USP6NL: variants seen among roughly 807,000 people sequenced by gnomAD.
USP6NL encodes the protein USP6 N-terminal-like protein.
Under a neutral mutation model 61.9 loss-of-function variants are expected in USP6NL, and 26 were observed. That is an observed-to-expected ratio of 0.42 (90% CI 0.31 to 0.58). The LOEUF (loss-of-function observed/expected upper bound fraction) is 0.58, where lower values mean the gene tolerates loss of function less well. Among genes scored for constraint, USP6NL ranks in the 20% least tolerant of loss-of-function variants. USP6NL has a pLI of 0.16. For synonymous variants in USP6NL, 432 were observed against 390.1 expected, an observed-to-expected ratio of 1.11 and a Z score of -1.27; for missense variants, 1,114 against 1,034.3, an observed-to-expected ratio of 1.08 and a Z score of -1.06.
At chr10:11,538,528 C>G (rs1238891528) in intron 2 of USP6NL, among the ~76,000 whole-genome samples, 1 of 152,120 alleles carries the variant, frequency 6.6e-6, no homozygotes. Flanking sequence ...TCTTGAAAAG[C>G]ATAAAAAGTT....
intron 2 of USP6NL, among the ~76,000 whole-genome samples, chr10:11,571,647 AT>A (rs542398874): frequency 0.012 from 1,745 of 148,972 alleles, 10 homozygotes; most frequent in Middle Eastern, 0.044. Context: ...AAAGAACTGA[AT>A]TTTTTTTTTT....
At chr10:11,467,815 A>G (rs1008379289) in intron 14 of USP6NL, among the ~76,000 whole-genome samples, 1 of 152,228 alleles carries the variant, frequency 6.6e-6, no homozygotes, top group African/African-American at 2.4e-5. Flanking sequence ...TAAGTACTAC[A>G]TATTTTTTCT....
At chr10:11,531,469 T>C (rs1159034165) in intron 2 of USP6NL, among the ~76,000 whole-genome samples, 4 of 151,924 alleles carry the variant, frequency 2.6e-5, no homozygotes, top group Non-Finnish European at 5.9e-5. Context: ...ACTACAGGTG[T>C]GAGCCACCCG....
rs1192100406 is a variant in USP6NL, at chr10:11,462,323, G to C, written c.*118C>G. 3.9e-5 allele frequency: 46 copies of C among 1,188,530 alleles called. No individual in the cohort carries two copies. Among genetic ancestry groups the C allele is most frequent in the Non-Finnish European group, 2.3e-6 (2 of 868,276 alleles). 73.6% of individuals were successfully genotyped at this position (1,188,530 alleles called of 1,614,324 possible). A position where few individuals can be genotyped will look rare whatever the true frequency, so the allele number is the denominator to read the frequency against. On this transcript the variant is annotated 3_prime_UTR_variant, in exon 15 of 15. Transcript: ENST00000609104. ...TTTCCCTGTATTCTTACTACTAACA[G>C]ACAGGAGAGATGTGCGAGTTGTTTA... is the stretch of plus-strand genomic sequence containing the variant.
chr10:11,562,261 CAA>C lies in USP6NL; in HGVS notation c.5-34696_5-34695del, dbSNP rs34380932. Reference sequence around the variant, plus strand: ...TGGCGGACAGTGCAAGACTCCATCTCAAAAAAAAAAAAAAAAAATTGCATTCC... The same window carrying C: ...TGGCGGACAGTGCAAGACTCCATCTCAAAAAAAAAAAAAAAATTGCATTCC... On this transcript the variant is annotated intron_variant, in intron 2 of 14. Transcript: ENST00000609104. The surrounding 1 kb of genome is among the most constrained non-coding windows in gnomAD (Gnocchi z 4.8). 7.9e-3 allele frequency: 2,578 copies of C among 326,538 alleles called. No homozygotes were observed. The highest frequency in any genetic ancestry group is 9.2e-3 in the Non-Finnish European group (2,304 of 250,888). The allele number at this position is 326,538 out of a possible 1,614,324, so 20.2% of individuals were successfully genotyped here.
intron 2 of USP6NL, among the ~76,000 whole-genome samples, chr10:11,572,053 T>C (rs1409667253): frequency 6.6e-6 from 1 of 151,800 alleles, no homozygotes; most frequent in Admixed American, 6.6e-5. Flanking sequence ...ATATGAGATA[T>C]ATCTATATAT....
intron 1 of USP6NL, among the ~76,000 whole-genome samples, chr10:11,599,711 A>G (rs2133674026): frequency 1.3e-5 from 2 of 151,406 alleles, no homozygotes; most frequent in East Asian, 3.9e-4. Context: ...GCTTTAAAAT[A>G]TAGATCCTCC....
rs193231443 is a variant in USP6NL, at chr10:11,571,493, G to A, written c.4+26138C>T. Among the ~76,000 whole-genome samples, 267 of 152,122 alleles carry A rather than the reference G, an allele frequency of 1.8e-3. 2 individuals carry two copies. Among genetic ancestry groups the A allele is most frequent in the South Asian group, 2.9e-3 (14 of 4,814 alleles). On this transcript the variant is annotated intron_variant, in intron 2 of 14. Transcript: ENST00000609104. ...AAAAACTTCTCTCAAACCATTTATC[G>A]TAATTTTATCCCCAACTTTGATACT...
rs1835467957 is a variant in USP6NL at position 11,527,529 on chromosome 10, G to A, written c.43C>T (p.Arg15Ter). 7 of 1,608,846 alleles carry A rather than the reference G, an allele frequency of 4.4e-6. No individual in the cohort carries two copies. Among genetic ancestry groups the A allele is most frequent in the Non-Finnish European group, 5.9e-6 (7 of 1,177,560 alleles). ...QDVALKLAQE[R>*]AEIVAKYDRG... The stretch of plus-strand genomic sequence containing the variant: ...TCATATTTAGCAACTATTTCAGCTC[G>A]CTCCTGGGCAAGTTTGAGTGCTACA... Residue 15 changes from arginine to a stop codon, truncating the protein, a stop_gained, in exon 3 of 15, where the codon CGA becomes TGA. Transcript: ENST00000609104. LOFTEE classifies it high-confidence loss of function.
Position 11,463,926 on chromosome 10 carries a change from A to G in USP6NL, c.1079-77T>C, listed in dbSNP as rs920899090. ...CAGTTGAAGCAATCCATTAGTAACA[A>G]TGGCATGCTTTTCATCTGTGCACAG... On this transcript the variant is annotated intron_variant, in intron 14 of 14. Transcript: ENST00000609104. The surrounding 1 kb of genome is among the most constrained non-coding windows in gnomAD (Gnocchi z 6.3). 5.2e-6 allele frequency: 7 copies of G among 1,335,860 alleles called. No individual in the cohort carries two copies. The highest frequency in any genetic ancestry group is 7.0e-6 in the Non-Finnish European group (7 of 995,316). 82.8% of individuals were successfully genotyped at this position (1,335,860 alleles called of 1,614,324 possible).
intron 1 of USP6NL, among the ~76,000 whole-genome samples, chr10:11,599,570 G>A (rs1224029765): frequency 1.3e-5 from 2 of 152,062 alleles, no homozygotes; most frequent in African/African-American, 4.8e-5. Context: ...GGTAATAAAT[G>A]TACACAAATT....
intron 13 of USP6NL, among the ~76,000 whole-genome samples, chr10:11,483,071 C>T (rs1833272206): frequency 6.6e-6 from 1 of 152,208 alleles, no homozygotes; most frequent in Non-Finnish European, 1.5e-5. Flanking sequence ...TGTATGACAG[C>T]TCTCCAGAGC....
intron 2 of USP6NL, among the ~76,000 whole-genome samples, chr10:11,559,726 C>T (rs146563174): frequency 7.9e-5 from 12 of 152,268 alleles, no homozygotes; most frequent in Non-Finnish European, 1.5e-4. Flanking sequence ...GTGACTTGAT[C>T]GTGGAGATAG....
intron 13 of USP6NL, among the ~76,000 whole-genome samples, chr10:11,484,586 G>C (rs1833379645): frequency 6.6e-6 from 1 of 152,144 alleles, no homozygotes; most frequent in Non-Finnish European, 1.5e-5. Context: ...TTTGAACTAA[G>C]GGGCCTGGTT....
chr10:11,466,956 G>A lies in USP6NL; in HGVS notation c.1079-3107C>T, dbSNP rs187328215. ...CACTGTTGACCGAAAGTTCATTAAG[G>A]AGCTCATGAGGGTAGCTGTTTTTAG... is the stretch of plus-strand genomic sequence containing the variant. On this transcript the variant is annotated intron_variant, in intron 14 of 14. Transcript: ENST00000609104. Among the ~76,000 whole-genome samples the A allele has an allele frequency of 1.1e-4, 17 of 152,328 alleles. No homozygotes were observed. The East Asian group carries it at 3.1e-3, about 28-fold the overall frequency.
chr10:11,475,249 G>T (rs1228527896), intron 14 of USP6NL, among the ~76,000 whole-genome samples: 1 of 150,446 alleles, frequency 6.6e-6, no homozygotes, highest in African/African-American at 2.4e-5. Context: ...TACATTTAAG[G>T]TAACTCTCTT....
rs543258853 is a variant in USP6NL, at chr10:11,611,623, C to G, written c.-264G>C. ...CCGAGCCCGGGAACCAGGAAGTTCC[C>G]CGGCGCGACACCTCCTGCCGCCGCT... On this transcript the variant is annotated 5_prime_UTR_variant, in exon 1 of 15. Coordinates refer to ENST00000609104, the MANE Select transcript of USP6NL (RefSeq NM_014688.5). This position sits in a 1 kb window ranked among gnomAD's most constrained non-coding sequence, Gnocchi z 5.3. The G allele has an allele frequency of 6.5e-6, 1 of 153,168 alleles. No individual in the cohort carries two copies. 9.5% of individuals were successfully genotyped at this position (153,168 alleles called of 1,614,324 possible). A position where few individuals can be genotyped will look rare whatever the true frequency, so the allele number is the denominator to read the frequency against.
At chr10:11,467,583 G>A (rs1197578276) in intron 14 of USP6NL, among the ~76,000 whole-genome samples, 1 of 152,150 alleles carries the variant, frequency 6.6e-6, no homozygotes, top group Non-Finnish European at 1.5e-5. Context: ...GTGAAATAAG[G>A]TATAGAAACT....
At position 11,611,304 on chromosome 10, in the gene USP6NL, G is replaced by C. The variant is rs1445245517; in HGVS notation, c.-84+139C>G. 6.6e-6 allele frequency: 1 copy of C among 151,920 alleles called. No homozygotes were observed. Among genetic ancestry groups the C allele is most frequent in the Admixed American group, 6.6e-5 (1 of 15,256 alleles). The allele number at this position is 151,920 out of a possible 1,614,324, so 9.4% of individuals were successfully genotyped here. A position where few individuals can be genotyped will look rare whatever the true frequency, so the allele number is the denominator to read the frequency against. On this transcript the variant is annotated intron_variant, in intron 1 of 14. Coordinates refer to ENST00000609104, the MANE Select transcript of USP6NL (RefSeq NM_014688.5). The surrounding 1 kb of genome is among the most constrained non-coding windows in gnomAD (Gnocchi z 5.3). Reference sequence around the variant, plus strand: ...CCCCAGGGCCGAGCCGCGAACCGCAGCCGCGTCCCCTCCTCCAGGGGCCGG... The same window carrying C: ...CCCCAGGGCCGAGCCGCGAACCGCACCCGCGTCCCCTCCTCCAGGGGCCGG...
Sources: gnomAD v4.1 joint callset for allele counts (sites outside exome capture counted in the v4.1 genomes callset) on GRCh38, gnomAD v4.1.1 for gene constraint, Gnocchi (gnomAD v3.1) non-coding constraint, MANE v1.5 for transcripts, NCBI Gene and HGNC (gene_info 2026-07-23, HGNC 2026-07-21) for gene names.